NT5C2: variants seen among roughly 807,000 people sequenced by gnomAD.
The protein encoded by NT5C2 is cytosolic purine 5'-nucleotidase.
In NT5C2, 58 loss-of-function variants were observed where a neutral mutation model predicts 76.1. The ratio of observed to expected loss-of-function variants is 0.76; its 90% CI spans 0.62 to 0.95. The LOEUF (loss-of-function observed/expected upper bound fraction) is 0.95, where lower values mean the gene tolerates loss of function less well. NT5C2 is among the 40% of genes least tolerant of loss of function. The probability of loss-of-function intolerance (pLI) is 0.00; values close to 1 mark genes in which losing one functional copy is unlikely to be tolerated. For synonymous variants in NT5C2, 229 were observed against 237.4 expected (o/e 0.96, Z 0.32); for missense variants, 478 against 690.3 (o/e 0.69, Z 3.45).
At chr10:103,091,439 C>T (rs1410078185) in intron 16 of NT5C2, 125 bp downstream of exon 16, 4 of 714,660 alleles carry the variant, frequency 5.6e-6, no homozygotes, top group Admixed American at 2.3e-5. Flanking sequence ...TCCATTTCCC[C>T]GGTTCAAACG....
chr10:103,182,439 C>G (rs1419356231), intron 1 of NT5C2, among the ~76,000 whole-genome samples: 1 of 151,984 alleles, frequency 6.6e-6, no homozygotes, highest in African/African-American at 2.4e-5. Context: ...GAGTTCAAGA[C>G]CAGCCTGGCC....
chr10:103,141,100 A>C (rs528633766), intron 3 of NT5C2, among the ~76,000 whole-genome samples: 3 of 152,314 alleles, frequency 2.0e-5, no homozygotes, highest in Non-Finnish European at 4.4e-5. Flanking sequence ...CAAGGTCAAG[A>C]AGCTTTTCCT....
At chr10:103,091,519 G>A in intron 16 of NT5C2, 45 bp downstream of exon 16, 1 of 1,409,308 alleles carries the variant, frequency 7.1e-7, no homozygotes, top group Non-Finnish European at 1.0e-6. Context: ...ATATCTAAGT[G>A]ATTCCTGAGT....
chr10:103,098,026 A>T (rs1315140341), intron 10 of NT5C2: 1 of 528,902 alleles, frequency 1.9e-6, no homozygotes, highest in Non-Finnish European at 3.9e-6. Flanking sequence ...AAGCACAAAA[A>T]CTGAAAACAA....
In NT5C2 at chr10:103,094,464, G is replaced by A. The variant is rs769793377; in HGVS notation, c.814-9C>T. 1.2e-5 allele frequency: 19 copies of A among 1,532,392 alleles called. No homozygotes were observed. Among genetic ancestry groups the A allele is most frequent in the Admixed American group, 3.3e-5 (2 of 59,748 alleles). 94.9% of individuals were successfully genotyped at this position (1,532,392 alleles called of 1,614,324 possible). The stretch of plus-strand genomic sequence containing the variant: ...CGATGGGAGCTCCCAGGCTGGTGAA[G>A]GAGAAACAGCAAAAGTTGAAACATC... On this transcript the variant is annotated splice_polypyrimidine_tract_variant and intron_variant, in intron 12 of 18. Transcript: ENST00000404739.
chr10:103,153,805 T>C, intron 3 of NT5C2: 1 of 966,554 alleles, frequency 1.0e-6, no homozygotes, highest in Non-Finnish European at 1.2e-6. Context: ...GTGTAGTTAT[T>C]TCCTCCCTCA....
intron 18 of NT5C2, chr10:103,090,204 T>TA: frequency 2.8e-6 from 1 of 361,118 alleles, no homozygotes; most frequent in Non-Finnish European, 5.0e-6. Flanking sequence ...CAGATCAGAA[T>TA]AAAGGAATGT....
intron 3 of NT5C2, among the ~76,000 whole-genome samples, chr10:103,150,921 CATG>C (rs902871654): frequency 3.3e-5 from 5 of 152,260 alleles, no homozygotes; most frequent in African/African-American, 1.2e-4. Flanking sequence ...AAATATTCTT[CATG>C]ATGTCTTTCA....
chr10:103,130,068 T>C (rs1406690178), intron 4 of NT5C2, among the ~76,000 whole-genome samples: 4 of 151,636 alleles, frequency 2.6e-5, no homozygotes, highest in African/African-American at 7.3e-5. Flanking sequence ...CAACAGCTCA[T>C]TGAGAACGGG....
At chr10:103,123,846 T>C (rs2076169406) in intron 4 of NT5C2, among the ~76,000 whole-genome samples, 1 of 145,820 alleles carries the variant, frequency 6.9e-6, no homozygotes, top group South Asian at 2.1e-4. Context: ...GCCTTCGAAA[T>C]TGGGGGGGGA....
chr10:103,181,479 CTG>C (rs2091070639), intron 1 of NT5C2, among the ~76,000 whole-genome samples, 151 bp from the exon 2 acceptor site: 1 of 152,166 alleles, frequency 6.6e-6, no homozygotes, highest in African/African-American at 2.4e-5. Context: ...GCAACTGAAA[CTG>C]TAGGGTAAGC....
intron 1 of NT5C2, among the ~76,000 whole-genome samples, chr10:103,182,264 A>G (rs2091212341): frequency 6.6e-6 from 1 of 152,208 alleles, no homozygotes; most frequent in Admixed American, 6.5e-5. Context: ...TCAATGGAAT[A>G]AGTATGTCAA....
At chr10:103,160,797 G>A (rs910987543) in intron 3 of NT5C2, among the ~76,000 whole-genome samples, 7 of 152,114 alleles carry the variant, frequency 4.6e-5, no homozygotes, top group African/African-American at 1.7e-4. Context: ...GGCAGATCAC[G>A]AGGTCAAGAG....
intron 3 of NT5C2, among the ~76,000 whole-genome samples, chr10:103,168,059 G>A (rs1402942965): frequency 6.0e-5 from 9 of 150,266 alleles, no homozygotes; most frequent in African/African-American, 2.2e-4. Flanking sequence ...TTATTCAACA[G>A]ATTTATATAA....
Position 103,133,800 on chromosome 10 carries a change from T to G in NT5C2, c.175+5606A>C, listed in dbSNP as rs1402876509. Among the ~76,000 whole-genome samples, 4 of 152,234 alleles carry G rather than the reference T, an allele frequency of 2.6e-5. No individual in the cohort carries two copies. In the East Asian group the frequency reaches 5.8e-4, roughly 22 times the overall value. ...CTTCCTAGAGACTTGTTGAATGGCTTTGACAAAAATATTGATAGTGACATG... is the reference window on the plus strand; with the variant it reads ...CTTCCTAGAGACTTGTTGAATGGCTGTGACAAAAATATTGATAGTGACATG... On this transcript the variant is annotated intron_variant, in intron 4 of 18. Coordinates refer to ENST00000404739, the MANE Select transcript of NT5C2 (RefSeq NM_001351169.2).
intron 3 of NT5C2, among the ~76,000 whole-genome samples, chr10:103,165,827 A>C (rs1026356020): frequency 4.6e-5 from 7 of 152,076 alleles, no homozygotes; most frequent in Non-Finnish European, 1.0e-4. Context: ...ATGTACCACC[A>C]CGCCTGGCTA....
chr10:103,090,909 G>C, intron 17 of NT5C2, 27 bp downstream of exon 17: 1 of 1,610,974 alleles, frequency 6.2e-7, no homozygotes, highest in Non-Finnish European at 8.5e-7. Context: ...TATTTCCCAA[G>C]TTTTCTCCCA....
chr10:103,165,409 C>A (rs1030186061), intron 3 of NT5C2, among the ~76,000 whole-genome samples: 1 of 151,872 alleles, frequency 6.6e-6, no homozygotes, highest in Admixed American at 6.6e-5. Context: ...AGGAGAATCG[C>A]TTGAACCCAG....
intron 1 of NT5C2, among the ~76,000 whole-genome samples, chr10:103,183,291 A>ATATATATATATC (rs1554841794): frequency 1.6e-5 from 2 of 128,146 alleles, no homozygotes; most frequent in Non-Finnish European, 3.2e-5. Flanking sequence ...ATATATATAT[A>ATATATATATATC]TATCACACAC....
Sources: gnomAD v4.1 joint callset for allele counts (sites outside exome capture counted in the v4.1 genomes callset) on GRCh38, gnomAD v4.1.1 for gene constraint, MANE v1.5 for transcripts, NCBI Gene and HGNC (gene_info 2026-07-23, HGNC 2026-07-21) for gene names.